Variants in P2RY12 observed in about 807,000 individuals in gnomAD.
The protein encoded by P2RY12 is P2Y purinoceptor 12.
Under a neutral mutation model 4.5 loss-of-function variants are expected in P2RY12, and 3 were observed. That is an observed-to-expected ratio of 0.67 (90% CI 0.31 to 1.74). P2RY12 has a LOEUF of 1.74. P2RY12 is among the 40% of genes most tolerant of loss of function. The probability of loss-of-function intolerance (pLI) is 0.09; values close to 1 mark genes in which losing one functional copy is unlikely to be tolerated. For missense variants in P2RY12, 356 were observed against 407.8 expected (o/e 0.87, Z 1.09); for synonymous variants, 148 against 154.1 (o/e 0.96, Z 0.29).
intron 1 of P2RY12, chr3:151,372,434 C>T (rs1756305731): frequency 1.5e-6 from 1 of 661,440 alleles, no homozygotes; most frequent in Admixed American, 2.5e-5. Context: ...CTCTCTATTC[C>T]TGAACAACTG....
intron 1 of P2RY12, chr3:151,355,199 A>G (rs1362002857): frequency 1.2e-5 from 19 of 1,613,854 alleles, no homozygotes; most frequent in South Asian, 3.3e-5. Flanking sequence ...ACTAAACTCC[A>G]GCTCCTTTCA....
At chr3:151,371,271 T>C (rs903560317) in intron 1 of P2RY12, among the ~76,000 whole-genome samples, 2 of 152,156 alleles carry the variant, frequency 1.3e-5, no homozygotes, top group Non-Finnish European at 2.9e-5. Flanking sequence ...GACCATTATA[T>C]CAAATTTGGT....
At chr3:151,372,589 C>G (rs1373604021) in intron 1 of P2RY12, 1 of 1,613,768 alleles carries the variant, frequency 6.2e-7, no homozygotes, top group Non-Finnish European at 8.5e-7. Flanking sequence ...TTGGCAATAA[C>G]AGTGTCAGCT....
Position 151,338,230 on chromosome 3 carries a change from T to C in P2RY12, c.616A>G (p.Ile206Val), listed in dbSNP as rs1751295695. 6.2e-7 allele frequency: 1 copy of C among 1,613,952 alleles called. No individual in the cohort carries two copies. The highest frequency in any genetic ancestry group is 8.5e-7 in the Non-Finnish European group (1 of 1,179,990). Residue 206 changes from isoleucine to valine, a missense_variant, in exon 3 of 3, where the codon ATT becomes GTT. Ile to Val is a conservative substitution (Grantham distance 29). Transcript: ENST00000302632. ...TTTGTAATGAGTGTATAACATACAATAACAATTAAGAAATTAATCCAGAAA... is the reference window on the plus strand; with the variant it reads ...TTTGTAATGAGTGTATAACATACAACAACAATTAAGAAATTAATCCAGAAA... ...VIFWINFLIV[I>V]VCYTLITKEL...
chr3:151,340,068 A>G (rs1560049105), intron 2 of P2RY12, among the ~76,000 whole-genome samples: 1 of 152,164 alleles, frequency 6.6e-6, no homozygotes, highest in Non-Finnish European at 1.5e-5. Context: ...ACGATTAAGA[A>G]TCATGTTGTC....
chr3:151,383,654 A>G (rs779233359), intron 1 of P2RY12: 32 of 608,852 alleles, frequency 5.3e-5, no homozygotes, highest in Non-Finnish European at 7.5e-5. Context: ...AGATAAGGTA[A>G]TCTATAAACT....
At chr3:151,370,464 A>C (rs1219134071) in intron 1 of P2RY12, among the ~76,000 whole-genome samples, 1 of 152,230 alleles carries the variant, frequency 6.6e-6, no homozygotes, top group African/African-American at 2.4e-5. Context: ...GAATTTTCAT[A>C]AAACAAGCTA....
At chr3:151,379,052 A>G (rs1711731766) in intron 1 of P2RY12, among the ~76,000 whole-genome samples, 1 of 152,258 alleles carries the variant, frequency 6.6e-6, no homozygotes, top group Non-Finnish European at 1.5e-5. Flanking sequence ...TAAATCCAGG[A>G]GGTCTGGCTT....
intron 1 of P2RY12, among the ~76,000 whole-genome samples, chr3:151,363,600 T>C (rs1216837820): frequency 2.6e-5 from 4 of 152,204 alleles, no homozygotes; most frequent in Non-Finnish European, 5.9e-5. Context: ...TATCCTTCAA[T>C]GACAACCAAC....
At chr3:151,378,451 G>C (rs1711621568) in intron 1 of P2RY12, among the ~76,000 whole-genome samples, 1 of 151,978 alleles carries the variant, frequency 6.6e-6, no homozygotes, top group African/African-American at 2.4e-5. Context: ...AACTGAATCA[G>C]ATCTGGATAG....
intron 1 of P2RY12, chr3:151,382,817 TCTC>T: frequency 6.5e-6 from 8 of 1,231,556 alleles, no homozygotes; most frequent in Admixed American, 2.0e-5. Context: ...GCTTTCCACT[TCTC>T]CTAAGTGCAA....
At chr3:151,349,687 T>G (rs60116140) in intron 1 of P2RY12, among the ~76,000 whole-genome samples, 4,175 of 152,276 alleles carry the variant, frequency 0.027, 181 homozygotes, top group African/African-American at 0.096. Flanking sequence ...TATGAAGAGA[T>G]AACATTTTCC....
chr3:151,351,518 A>G (rs1753237263), intron 1 of P2RY12, among the ~76,000 whole-genome samples: 1 of 152,206 alleles, frequency 6.6e-6, no homozygotes, highest in Non-Finnish European at 1.5e-5. Context: ...GTTTGAAAAA[A>G]GAAAGTGCTC....
intron 1 of P2RY12, chr3:151,372,817 G>A (rs778710469): frequency 7.0e-7 from 1 of 1,436,170 alleles, no homozygotes; most frequent in South Asian, 1.2e-5. Context: ...TCTTCTTTTG[G>A]AGAGAGCTAC....
intron 1 of P2RY12, chr3:151,350,204 G>A: frequency 6.2e-7 from 1 of 1,612,820 alleles, no homozygotes; most frequent in Non-Finnish European, 8.5e-7. Flanking sequence ...ACAGAGACAG[G>A]GGGTAAAGAA....
intron 2 of P2RY12, among the ~76,000 whole-genome samples, chr3:151,339,116 A>G (rs1270170227): frequency 1.3e-5 from 2 of 152,096 alleles, no homozygotes; most frequent in East Asian, 3.9e-4. Flanking sequence ...TATTTGTTGA[A>G]TGTTTGCCTC....
At chr3:151,353,674 C>T (rs1435329138) in intron 1 of P2RY12, among the ~76,000 whole-genome samples, 1 of 152,130 alleles carries the variant, frequency 6.6e-6, no homozygotes, top group East Asian at 1.9e-4. Context: ...TGTTTAAGAC[C>T]ATTACATTTG....
At chr3:151,348,567 T>C (rs1353427541) in intron 1 of P2RY12, among the ~76,000 whole-genome samples, 1 of 150,778 alleles carries the variant, frequency 6.6e-6, no homozygotes, top group Non-Finnish European at 1.5e-5. Flanking sequence ...AACTCGCTCC[T>C]AGCTTCTTTT....
chr3:151,384,234 G>C (rs1712914201), intron 1 of P2RY12: 2 of 1,596,564 alleles, frequency 1.3e-6, no homozygotes, highest in Non-Finnish European at 1.7e-6. Flanking sequence ...TTTGAGATCA[G>C]CCTGTATTAT....
Sources: gnomAD v4.1 joint callset for allele counts (sites outside exome capture counted in the v4.1 genomes callset) on GRCh38, gnomAD v4.1.1 for gene constraint, MANE v1.5 for transcripts, NCBI Gene and HGNC (gene_info 2026-07-23, HGNC 2026-07-21) for gene names.